The following EBF1 variants were observed in gnomAD, a reference collection of about 807,000 sequenced individuals.
The protein encoded by EBF1 is EBF transcription factor 1, also known as transcription factor COE1.
In EBF1, 10 loss-of-function variants were observed where a neutral mutation model predicts 68.4. The ratio of observed to expected loss-of-function variants is 0.15; its 90% CI spans 0.09 to 0.25. The LOEUF (loss-of-function observed/expected upper bound fraction) is 0.25. EBF1 is among the 10% of genes least tolerant of loss of function. EBF1 has a pLI of 1.00. For synonymous variants in EBF1, 298 were observed against 299.8 expected (o/e 0.99, Z 0.06); for missense variants, 509 against 794.4 (o/e 0.64, Z 4.32).
At chr5:158,724,247 G>A (rs957617228) in intron 11 of EBF1, among the ~76,000 whole-genome samples, 15 of 152,126 alleles carry the variant, frequency 9.9e-5, no homozygotes, top group African/African-American at 1.9e-4. Flanking sequence ...CTGTGTTTTC[G>A]TCTGAGGAGG....
At chr5:158,831,966 GA>G (rs1435705891) in intron 7 of EBF1, among the ~76,000 whole-genome samples, 1 of 152,128 alleles carries the variant, frequency 6.6e-6, no homozygotes, top group Non-Finnish European at 1.5e-5. Context: ...GCAAATAAGA[GA>G]AAAAGTGGTA....
At chr5:158,790,067 G>A (rs896660095) in intron 9 of EBF1, among the ~76,000 whole-genome samples, 1 of 152,176 alleles carries the variant, frequency 6.6e-6, no homozygotes, top group African/African-American at 2.4e-5. Flanking sequence ...TTGACTTCAT[G>A]CCCCGTGTCT....
chr5:159,064,770 A>G (rs1776471265), intron 6 of EBF1, among the ~76,000 whole-genome samples: 1 of 152,196 alleles, frequency 6.6e-6, no homozygotes, highest in South Asian at 2.1e-4. Flanking sequence ...GAAAACAACA[A>G]GACTGTGTAG....
chr5:158,908,391 G>A (rs776780463), intron 6 of EBF1, among the ~76,000 whole-genome samples: 13 of 152,186 alleles, frequency 8.5e-5, no homozygotes, highest in Non-Finnish European at 1.6e-4. Flanking sequence ...TGGCTGAGGG[G>A]TGTCAATAAG....
At chr5:159,043,799 A>T (rs1407951552) in intron 6 of EBF1, among the ~76,000 whole-genome samples, 2 of 152,238 alleles carry the variant, frequency 1.3e-5, no homozygotes, top group African/African-American at 4.8e-5. Flanking sequence ...GATGGAAATA[A>T]TATCAGTATC....
chr5:158,829,581 G>C (rs1450000866), intron 7 of EBF1, among the ~76,000 whole-genome samples: 3 of 152,138 alleles, frequency 2.0e-5, no homozygotes, highest in South Asian at 4.2e-4. Flanking sequence ...GGAAACTGGG[G>C]GTTAGGGGAT....
chr5:158,989,047 A>C (rs1275187470), intron 6 of EBF1, among the ~76,000 whole-genome samples: 2 of 152,236 alleles, frequency 1.3e-5, no homozygotes, highest in Admixed American at 1.3e-4. Flanking sequence ...CGTGTCCTTC[A>C]GTGTCATGCA....
chr5:158,723,789 A>G (rs1201062257), intron 11 of EBF1, among the ~76,000 whole-genome samples: 1 of 152,136 alleles, frequency 6.6e-6, no homozygotes, highest in Non-Finnish European at 1.5e-5. Flanking sequence ...GCCGCAAAAT[A>G]AGTCAGCTAA....
chr5:159,028,928 G>C (rs1768231630), intron 6 of EBF1, among the ~76,000 whole-genome samples: 1 of 152,208 alleles, frequency 6.6e-6, no homozygotes, highest in South Asian at 2.1e-4. Flanking sequence ...GGCAGAGTGG[G>C]TACTGGGAAT....
At chr5:158,841,666 G>A (rs1351826256) in intron 6 of EBF1, among the ~76,000 whole-genome samples, 3 of 152,076 alleles carry the variant, frequency 2.0e-5, no homozygotes, top group African/African-American at 7.2e-5. Flanking sequence ...TGTAACACTG[G>A]GATCCTCTAT....
intron 8 of EBF1, among the ~76,000 whole-genome samples, chr5:158,813,252 C>T (rs767977386): frequency 3.9e-5 from 6 of 152,104 alleles, no homozygotes; most frequent in South Asian, 2.1e-4. Flanking sequence ...GTTTTGTTTA[C>T]GCATTAACAT....
At chr5:159,076,320 CAG>C (rs1262925497) in intron 5 of EBF1, among the ~76,000 whole-genome samples, 2 of 152,098 alleles carry the variant, frequency 1.3e-5, no homozygotes, top group Non-Finnish European at 2.9e-5. Flanking sequence ...AAAAGGGTGA[CAG>C]ATAAATCCAA....
At chr5:158,965,052 T>C (rs1171904794) in intron 6 of EBF1, among the ~76,000 whole-genome samples, 1 of 152,186 alleles carries the variant, frequency 6.6e-6, no homozygotes, top group Non-Finnish European at 1.5e-5. Flanking sequence ...TTGTTGAAAA[T>C]GGCCCTGAAC....
At chr5:158,894,611 G>A (rs375255437) in intron 6 of EBF1, among the ~76,000 whole-genome samples, 36 of 152,184 alleles carry the variant, frequency 2.4e-4, no homozygotes, top group Middle Eastern at 3.4e-3. Context: ...TCACCTCCTC[G>A]TTGTTTTACA....
rs148635577 is a variant in EBF1, at chr5:158,940,624, G to A, written c.555-100514C>T. 7.3e-3 allele frequency among the ~76,000 whole-genome samples: 1,109 copies of A among 152,170 alleles called. 13 individuals are homozygous for A. The highest frequency in any genetic ancestry group is 0.026 in the African/African-American group (1,065 of 41,506). ...ATTTGGCTGCTGTAGTTCTTGGAAC[G>A]TTCTTGGAACATTCTCAGGGAGACA... is the stretch of plus-strand genomic sequence containing the variant. On this transcript the variant is annotated intron_variant, in intron 6 of 15. Transcript: ENST00000313708.
At chr5:159,010,791 T>C (rs1309125633) in intron 6 of EBF1, among the ~76,000 whole-genome samples, 1 of 152,222 alleles carries the variant, frequency 6.6e-6, no homozygotes, top group Non-Finnish European at 1.5e-5. Context: ...AGAGCCTCCA[T>C]GAGCCCCGTA....
At chr5:158,913,312 T>C (rs1311807496) in intron 6 of EBF1, among the ~76,000 whole-genome samples, 3 of 152,186 alleles carry the variant, frequency 2.0e-5, no homozygotes, top group Non-Finnish European at 4.4e-5. Context: ...TTAACTCACA[T>C]CAGAAATAGG....
intron 6 of EBF1, among the ~76,000 whole-genome samples, chr5:158,966,254 G>A (rs1484622276): frequency 6.6e-6 from 1 of 152,038 alleles, no homozygotes; most frequent in African/African-American, 2.4e-5. Context: ...GTATAGAAAG[G>A]GAACTTCCAA....
intron 8 of EBF1, among the ~76,000 whole-genome samples, chr5:158,815,325 G>C (rs1303682145): frequency 6.6e-6 from 1 of 152,086 alleles, no homozygotes; most frequent in African/African-American, 2.4e-5. Flanking sequence ...TCAAATTCCA[G>C]GTCCAATTCT....
Sources: gnomAD v4.1 joint callset for allele counts (sites outside exome capture counted in the v4.1 genomes callset) on GRCh38, gnomAD v4.1.1 for gene constraint, MANE v1.5 for transcripts, NCBI Gene and HGNC (gene_info 2026-07-23, HGNC 2026-07-21) for gene names.